The following LRIG1 variants were observed in gnomAD, a reference collection of about 807,000 sequenced individuals.
LRIG1 encodes leucine-rich repeats and immunoglobulin-like domains protein 1.
LRIG1 carries 48 observed loss-of-function variants against 99.2 expected under a neutral mutation model. The observed-to-expected ratio is 0.48, with a 90% CI of 0.38 to 0.62. The LOEUF (loss-of-function observed/expected upper bound fraction) is 0.62, where lower values mean the gene tolerates loss of function less well. Among genes scored for constraint, LRIG1 ranks in the 20% least tolerant of loss-of-function variants. The pLI, the probability that LRIG1 is intolerant of heterozygous loss-of-function variation, is 0.00. For missense variants in LRIG1, 1,646 were observed against 1,434.4 expected (o/e 1.15, Z -2.38); for synonymous variants, 772 against 596.1 (o/e 1.29, Z -4.30).
chr3:66,382,952 T>A (rs1701168479), intron 15 of LRIG1, 30 bp downstream of exon 15: 1 of 1,566,724 alleles, frequency 6.4e-7, no homozygotes, highest in Non-Finnish European at 8.7e-7. Context: ...CCTCCCTCCT[T>A]GAAAGTCAGC....
intron 8 of LRIG1, chr3:66,406,281 A>G: frequency 2.0e-6 from 2 of 985,336 alleles, no homozygotes; most frequent in Non-Finnish European, 2.4e-6. Flanking sequence ...CATACTGAAA[A>G]AACCAGGAAC....
In LRIG1 at chr3:66,397,085, C is replaced by T. The variant is rs1233389650; in HGVS notation, c.1304+1027G>A. 2.6e-5 allele frequency among the ~76,000 whole-genome samples: 4 copies of T among 152,244 alleles called. No homozygotes were observed. In the East Asian group the frequency reaches 7.7e-4, roughly 29 times the overall value. ...TCCATGAACCCGTCACAGACACCCG[C>T]TCCAAGATCCAACCCTTGCAAGGAC... On this transcript the variant is annotated intron_variant, in intron 11 of 18. Transcript: ENST00000273261.
At chr3:66,411,691 AACCAGTAAAGG>A (rs1423076262) in intron 6 of LRIG1, among the ~76,000 whole-genome samples, 2 of 152,150 alleles carry the variant, frequency 1.3e-5, no homozygotes, top group Non-Finnish European at 2.9e-5. Flanking sequence ...CTGCCAAGAA[AACCAGTAAAGG>A]ACATTCGAGT....
intron 1 of LRIG1, among the ~76,000 whole-genome samples, chr3:66,479,755 C>T (rs1284953884): frequency 1.3e-5 from 2 of 152,220 alleles, no homozygotes; most frequent in South Asian, 2.1e-4. Flanking sequence ...TACCACAACA[C>T]ACCCACTAGG....
intron 3 of LRIG1, among the ~76,000 whole-genome samples, chr3:66,417,918 T>C (rs984826176): frequency 6.6e-6 from 1 of 152,106 alleles, no homozygotes; most frequent in Admixed American, 6.5e-5. Flanking sequence ...ATATTAAGCA[T>C]TGTGCCTCGG....
Position 66,380,276 on chromosome 3 carries a change from G to A in LRIG1, c.3269C>T (p.Ala1090Val). ...PGKQRVPLLLAPKS is the reference protein window; with the variant it reads ...PGKQRVPLLLVPKS Reference sequence around the variant, plus strand: ...GGTAGACAAAACCTAGCTTTTTGGTGCCAACAGCAGTGGCACCCTCTGTTT... The same window carrying A: ...GGTAGACAAAACCTAGCTTTTTGGTACCAACAGCAGTGGCACCCTCTGTTT... The change falls in exon 19 of 19, where the codon GCA (alanine) becomes GTA (valine). Residue 1090 changes from alanine (A) to valine (V), a missense_variant. Coordinates refer to ENST00000273261, the MANE Select transcript of LRIG1 (RefSeq NM_015541.3). 1.2e-6 allele frequency: 2 copies of A among 1,610,194 alleles called. No homozygotes were observed. The highest frequency in any genetic ancestry group is 1.7e-6 in the Non-Finnish European group (2 of 1,177,778).
At chr3:66,475,917 C>T (rs548480427) in intron 1 of LRIG1, among the ~76,000 whole-genome samples, 17 of 152,278 alleles carry the variant, frequency 1.1e-4, no homozygotes, top group Non-Finnish European at 1.2e-4. Flanking sequence ...CAGTTATTCA[C>T]GTAATTCGCC....
At chr3:66,434,829 C>T (rs912491891) in intron 3 of LRIG1, among the ~76,000 whole-genome samples, 3 of 151,530 alleles carry the variant, frequency 2.0e-5, no homozygotes, top group Non-Finnish European at 2.9e-5. Context: ...TATACACTGC[C>T]GGTAGAAATG....
chr3:66,465,425 A>G (rs1001176973), intron 1 of LRIG1, among the ~76,000 whole-genome samples: 11 of 127,342 alleles, frequency 8.6e-5, no homozygotes, highest in Non-Finnish European at 1.2e-4. Flanking sequence ...GTGTAGTGGC[A>G]TGATCTTGGC....
At chr3:66,490,645 TAA>T (rs34698702) in intron 1 of LRIG1, among the ~76,000 whole-genome samples, 124,418 of 151,590 alleles carry the variant, frequency 0.82, 52,131 homozygotes, top group East Asian at 0.94. Context: ...CCCCATAATT[TAA>T]AAAAAAAAAA....
intron 3 of LRIG1, among the ~76,000 whole-genome samples, chr3:66,436,934 C>T (rs1703380384): frequency 6.6e-6 from 1 of 152,192 alleles, no homozygotes; most frequent in Non-Finnish European, 1.5e-5. Flanking sequence ...GCACTAAAGG[C>T]TCTGAAATGT....
intron 3 of LRIG1, among the ~76,000 whole-genome samples, chr3:66,436,897 T>A (rs374819264): frequency 3.3e-5 from 5 of 152,172 alleles, no homozygotes; most frequent in Non-Finnish European, 5.9e-5. Context: ...TCTCTGCTTG[T>A]CCTTGGAGAC....
chr3:66,480,949 A>C (rs1019412602), intron 1 of LRIG1, among the ~76,000 whole-genome samples: 3 of 152,210 alleles, frequency 2.0e-5, no homozygotes, highest in African/African-American at 7.2e-5. Flanking sequence ...CGGATTTGAG[A>C]ATAATAGCAT....
In LRIG1 at chr3:66,384,121, G is replaced by C. The variant is rs550022347; in HGVS notation, c.1941C>G (p.Arg647=). 2.5e-6 allele frequency: 4 copies of C among 1,614,208 alleles called. No homozygotes were observed. The South Asian group carries it at 4.4e-5, about 18-fold the overall frequency. The part of the protein sequence containing the change: ...GTDFPAARER[R]MHVMPDDDVF... ...CGTCGTCATCCGGCATGACATGCAT[G>C]CGTCGCTCACGGGCAGCGGGGAAAT... The change falls in exon 14 of 19, where the codon CGC becomes CGG. Residue 647 remains arginine (R), a synonymous_variant. Coordinates refer to ENST00000273261, the MANE Select transcript of LRIG1 (RefSeq NM_015541.3).
chr3:66,460,392 T>C (rs1041108413), intron 2 of LRIG1, among the ~76,000 whole-genome samples: 1 of 152,190 alleles, frequency 6.6e-6, no homozygotes, highest in African/African-American at 2.4e-5. Context: ...TTGGTGACTA[T>C]GATGGGCTGA....
chr3:66,496,155 T>C (rs1446267759), intron 1 of LRIG1, among the ~76,000 whole-genome samples: 8 of 152,166 alleles, frequency 5.3e-5, no homozygotes, highest in African/African-American at 1.9e-4. Flanking sequence ...GTCTGTAAAA[T>C]CTAGTAACCA....
intron 17 of LRIG1, 45 bp from the exon 18 acceptor site, chr3:66,380,906 G>C: frequency 1.3e-6 from 2 of 1,590,816 alleles, no homozygotes; most frequent in Non-Finnish European, 1.7e-6. Flanking sequence ...TGCTGTGGGA[G>C]TCTTCGTCCC....
intron 12 of LRIG1, chr3:66,387,883 G>C (rs74578384): frequency 0.2 from 30,465 of 149,962 alleles, 3,948 homozygotes; most frequent in East Asian, 0.69. Flanking sequence ...GGATCATGAG[G>C]TCAGGAGATC....
At chr3:66,410,313 C>T (rs765369917) in intron 6 of LRIG1, 41 bp from the exon 7 acceptor site, 1 of 1,560,276 alleles carries the variant, frequency 6.4e-7, no homozygotes, top group Non-Finnish European at 8.7e-7. Flanking sequence ...GGAGCTTTCA[C>T]TCCCTTCACT....
Sources: allele counts gnomAD v4.1 joint callset (sites outside exome capture counted in the v4.1 genomes callset), GRCh38; gene constraint gnomAD v4.1.1; transcripts MANE v1.5; gene names NCBI Gene and HGNC (gene_info 2026-07-23, HGNC 2026-07-21).